Variants in RAB28 observed in about 807,000 individuals in gnomAD.
RAB28 encodes RAB28, member RAS oncogene family.
In RAB28, 24 loss-of-function variants were observed where a neutral mutation model predicts 31.7. That is an observed-to-expected ratio of 0.76 (90% confidence interval 0.55 to 1.06). The LOEUF (loss-of-function observed/expected upper bound fraction) is 1.06, where lower values mean the gene tolerates loss of function less well. Among genes scored for constraint, RAB28 ranks in the 50% least tolerant of loss-of-function variants. The probability of loss-of-function intolerance (pLI) is 0.00; values close to 1 mark genes in which losing one functional copy is unlikely to be tolerated. For missense variants in RAB28, 254 were observed against 258.5 expected (o/e 0.98, Z 0.12); for synonymous variants, 100 against 90.4 (o/e 1.11, Z -0.60).
intron 3 of RAB28, among the ~76,000 whole-genome samples, chr4:13,470,456 A>G (rs1206086169): frequency 1.3e-5 from 2 of 152,062 alleles, no homozygotes; most frequent in Non-Finnish European, 2.9e-5. Flanking sequence ...TTTCATTGGT[A>G]CTTAAAAAGT....
chr4:13,444,626 T>C (rs181124927), intron 4 of RAB28, among the ~76,000 whole-genome samples: 3 of 152,366 alleles, frequency 2.0e-5, no homozygotes, highest in Admixed American at 6.5e-5. Flanking sequence ...TCGAACAGTA[T>C]ACAAGGGTTC....
intron 2 of RAB28, among the ~76,000 whole-genome samples, chr4:13,474,878 C>A (rs1280086322): frequency 2.6e-5 from 4 of 151,506 alleles, no homozygotes; most frequent in Admixed American, 6.6e-5. Flanking sequence ...CAAAAATGCA[C>A]CCATAATTTC....
chr4:13,484,021 G>A, intron 1 of RAB28, 55 bp downstream of exon 1: 2 of 1,496,974 alleles, frequency 1.3e-6, no homozygotes, highest in African/African-American at 1.4e-5. Flanking sequence ...GGAGGAGGCC[G>A]GGGACCGCCG....
At chr4:13,418,552 T>A (rs1241418670) in intron 4 of RAB28, among the ~76,000 whole-genome samples, 1 of 152,214 alleles carries the variant, frequency 6.6e-6, no homozygotes, top group Non-Finnish European at 1.5e-5. Flanking sequence ...ACAGCGGATC[T>A]CTTGGCAGAA....
intron 4 of RAB28, among the ~76,000 whole-genome samples, chr4:13,433,110 T>C (rs1380135257): frequency 1.4e-5 from 2 of 143,852 alleles, no homozygotes; most frequent in Non-Finnish European, 3.0e-5. Flanking sequence ...AGTAAAGGTA[T>C]GGAGAAAGAT....
chr4:13,422,085 G>A (rs1713188513), intron 4 of RAB28, among the ~76,000 whole-genome samples: 1 of 151,408 alleles, frequency 6.6e-6, no homozygotes, highest in Non-Finnish European at 1.5e-5. Context: ...TCAAAAAGTG[G>A]GCAAAGGATA....
intron 6 of RAB28, among the ~76,000 whole-genome samples, chr4:13,375,662 T>G (rs2109590): frequency 6.6e-6 from 1 of 151,952 alleles, no homozygotes; most frequent in Non-Finnish European, 1.5e-5. Flanking sequence ...CTTTGAATGA[T>G]GGGAATTAAA....
intron 4 of RAB28, among the ~76,000 whole-genome samples, chr4:13,393,088 G>A (rs1324062087): frequency 6.6e-6 from 1 of 152,166 alleles, no homozygotes; most frequent in Non-Finnish European, 1.5e-5. Context: ...AGCTGGGAAG[G>A]CTAAGAGGGA....
Position 13,369,823 on chromosome 4 carries a change from G to C in RAB28, c.574-1173C>G. On this transcript the variant is annotated intron_variant, in intron 6 of 6. Transcript: ENST00000330852. Reference sequence around the variant, plus strand: ...ATAAAGAACAAGATAGCATTCAATGGTTCTCCCTTCCCACCTCCCCAAACT... The same window carrying C: ...ATAAAGAACAAGATAGCATTCAATGCTTCTCCCTTCCCACCTCCCCAAACT... The C allele has an allele frequency of 4.6e-6, 7 of 1,526,378 alleles. No homozygotes were observed. The South Asian group carries it at 9.1e-5, about 20-fold the overall frequency. 94.6% of individuals were successfully genotyped at this position (1,526,378 alleles called of 1,614,324 possible). A position where few individuals can be genotyped will look rare whatever the true frequency, so the allele number is the denominator to read the frequency against.
intron 4 of RAB28, among the ~76,000 whole-genome samples, chr4:13,435,404 C>G (rs1208440778): frequency 1.3e-5 from 2 of 149,660 alleles, no homozygotes; most frequent in Non-Finnish European, 3.0e-5. Flanking sequence ...GAATTGAGAC[C>G]AAGAAAAAAA....
chr4:13,459,907 T>C lies in RAB28; in HGVS notation c.391+792A>G, dbSNP rs1359940165. ...GCAGCTGTGTTGCTGTTCTTCATAA[T>C]CCATGCTGCTTTCCTAGACCACAGG... is the stretch of plus-strand genomic sequence containing the variant. On this transcript the variant is annotated intron_variant, in intron 4 of 6. Transcript: ENST00000330852. 25 of 1,289,228 alleles carry C rather than the reference T, an allele frequency of 1.9e-5. No homozygotes were observed. In the Admixed American group the frequency reaches 5.5e-4, roughly 28 times the overall value. The allele number at this position is 1,289,228 out of a possible 1,614,324, so 79.9% of individuals were successfully genotyped here. A position where few individuals can be genotyped will look rare whatever the true frequency, so the allele number is the denominator to read the frequency against.
chr4:13,397,036 T>C (rs1021734310), intron 4 of RAB28, among the ~76,000 whole-genome samples: 17 of 152,132 alleles, frequency 1.1e-4, no homozygotes, highest in African/African-American at 2.7e-4. Flanking sequence ...TCACAAAGTA[T>C]TTGTTGAGTG....
intron 4 of RAB28, among the ~76,000 whole-genome samples, chr4:13,403,072 GGT>G (rs1244831451): frequency 6.6e-6 from 1 of 152,148 alleles, no homozygotes; most frequent in Non-Finnish European, 1.5e-5. Flanking sequence ...TGGGATTACA[GGT>G]GTGAGTCAGT....
At chr4:13,383,207 C>T (rs187523765) in intron 4 of RAB28, among the ~76,000 whole-genome samples, 18 of 152,234 alleles carry the variant, frequency 1.2e-4, no homozygotes, top group African/African-American at 7.2e-5. Context: ...TCTAATTCAA[C>T]AAGAGTAAGA....
At chr4:13,411,232 A>G (rs1712424930) in intron 4 of RAB28, among the ~76,000 whole-genome samples, 1 of 152,192 alleles carries the variant, frequency 6.6e-6, no homozygotes, top group Admixed American at 6.5e-5. Context: ...AGCCCAAACT[A>G]TTGTTCAAAT....
intron 4 of RAB28, among the ~76,000 whole-genome samples, chr4:13,396,815 C>T (rs1361242073): frequency 6.6e-6 from 1 of 152,040 alleles, no homozygotes; most frequent in Non-Finnish European, 1.5e-5. Flanking sequence ...AGGATATCTG[C>T]CATATTCACT....
chr4:13,482,927 A>AG (rs2108980559), intron 1 of RAB28, among the ~76,000 whole-genome samples: 1 of 152,372 alleles, frequency 6.6e-6, no homozygotes, highest in East Asian at 1.9e-4. Flanking sequence ...TCGTCACCAG[A>AG]GAAACCAGGG....
chr4:13,414,948 A>C (rs1391266686), intron 4 of RAB28, among the ~76,000 whole-genome samples: 2 of 152,212 alleles, frequency 1.3e-5, no homozygotes, highest in African/African-American at 4.8e-5. Flanking sequence ...GCCAAAAACA[A>C]AATTCCTACT....
At chr4:13,438,055 G>A (rs1303219244) in intron 4 of RAB28, among the ~76,000 whole-genome samples, 2 of 152,098 alleles carry the variant, frequency 1.3e-5, no homozygotes, top group Non-Finnish European at 2.9e-5. Flanking sequence ...CAACATTGAT[G>A]CATCTGGAGG....
Sources: gnomAD v4.1 joint callset for allele counts (sites outside exome capture counted in the v4.1 genomes callset) on GRCh38, gnomAD v4.1.1 for gene constraint, MANE v1.5 for transcripts, NCBI Gene and HGNC (gene_info 2026-07-23, HGNC 2026-07-21) for gene names.